The following HIPK2 variants were observed in gnomAD, a reference collection of about 807,000 sequenced individuals.
HIPK2 encodes the protein homeodomain interacting protein kinase 2, also known as homeodomain-interacting protein kinase 2.
HIPK2 carries 27 observed loss-of-function variants against 113.7 expected under a neutral mutation model. The ratio of observed to expected loss-of-function variants is 0.24; its 90% CI spans 0.17 to 0.33. The LOEUF is 0.33. Ranked by LOEUF, HIPK2 falls within the 10% of genes least tolerant of loss-of-function variation. The pLI is 1.00. For synonymous variants in HIPK2, 631 were observed against 642.2 expected (o/e 0.98, Z 0.26); for missense variants, 1,257 against 1,588.0 (o/e 0.79, Z 3.54).
chr7:139,586,383 T>C (rs540255470), intron 12 of HIPK2, among the ~76,000 whole-genome samples: 1 of 152,224 alleles, frequency 6.6e-6, no homozygotes, highest in African/African-American at 2.4e-5. Flanking sequence ...CTATTCAAAA[T>C]ACCAAGAGGT....
intron 2 of HIPK2, among the ~76,000 whole-genome samples, chr7:139,643,425 C>T (rs1441060897): frequency 1.6e-4 from 25 of 152,070 alleles, no homozygotes; most frequent in Non-Finnish European, 1.5e-5. Context: ...CACACTGATC[C>T]TTCGTTCTTA....
intron 2 of HIPK2, among the ~76,000 whole-genome samples, chr7:139,654,086 T>C (rs529040863): frequency 1.4e-4 from 21 of 152,318 alleles, no homozygotes; most frequent in African/African-American, 4.6e-4. Context: ...CCCAGCTTAT[T>C]GAATGATAAA....
At chr7:139,752,373 A>C (rs748552575) in intron 1 of HIPK2, among the ~76,000 whole-genome samples, 27 of 152,074 alleles carry the variant, frequency 1.8e-4, no homozygotes, top group Admixed American at 1.6e-3. Flanking sequence ...ATAAAATACT[A>C]TTCTTTTCCA....
At chr7:139,649,193 A>G (rs1462908792) in intron 2 of HIPK2, among the ~76,000 whole-genome samples, 1 of 151,926 alleles carries the variant, frequency 6.6e-6, no homozygotes, top group Non-Finnish European at 1.5e-5. Flanking sequence ...GCGGCCTATG[A>G]ATTATGCATT....
chr7:139,593,068 G>A (rs1031276954), intron 12 of HIPK2, among the ~76,000 whole-genome samples: 3 of 152,252 alleles, frequency 2.0e-5, no homozygotes, highest in Admixed American at 1.3e-4. Flanking sequence ...CCTGCACACA[G>A]TGGCATAGTG....
rs1001045928 is a variant in HIPK2, at chr7:139,565,466, T to C, written c.*7461A>G. On this transcript the variant is annotated 3_prime_UTR_variant, in exon 15 of 15. Coordinates refer to ENST00000406875, the MANE Select transcript of HIPK2 (RefSeq NM_022740.5). ...TCATAATAAATGATAATAGTTATTT[T>C]AAAAAATTAAAAATCTAGTCCTAAG... 6.6e-6 allele frequency: 1 copy of C among 152,128 alleles called. No homozygotes were observed. Among genetic ancestry groups the C allele is most frequent in the African/African-American group, 2.4e-5 (1 of 41,438 alleles). The allele number at this position is 152,128 out of a possible 1,614,324, so 9.4% of individuals were successfully genotyped here. A position where few individuals can be genotyped will look rare whatever the true frequency, so the allele number is the denominator to read the frequency against.
At position 139,626,737 on chromosome 7, in the gene HIPK2, C is replaced by T. The variant is rs2116872457; in HGVS notation, c.1483G>A (p.Ala495Thr). 1 of 1,613,998 alleles carries T rather than the reference C, an allele frequency of 6.2e-7. No homozygotes were observed. The highest frequency in any genetic ancestry group is 1.3e-5 in the African/African-American group (1 of 75,046). The change falls in exon 6 of 15, where the codon GCT becomes ACT. Residue 495 changes from alanine to threonine, a missense_variant. Physicochemically the swap from Ala to Thr is moderately conservative, Grantham distance 58. Around this residue, in one of 5 missense-constraint regions of HIPK2, gnomAD observed 862 missense variants for 1,004.3 expected, o/e 0.86. Coordinates refer to ENST00000406875, the MANE Select transcript of HIPK2 (RefSeq NM_022740.5). Reference sequence around the variant, plus strand: ...AGGTCAATGAACTCCCGCCGGTCAGCCTTTTCTACCAACATGTCGCTCCCT... The same window carrying T: ...AGGTCAATGAACTCCCGCCGGTCAGTCTTTTCTACCAACATGTCGCTCCCT... ...LEGSDMLVEK[A>T]DRREFIDLLK...
intron 7 of HIPK2, among the ~76,000 whole-genome samples, chr7:139,618,102 C>T (rs1800118972): frequency 2.6e-5 from 4 of 152,222 alleles, no homozygotes; most frequent in Admixed American, 2.6e-4. Flanking sequence ...GAGCAAGGGC[C>T]TTGGGTAAGA....
intron 12 of HIPK2, among the ~76,000 whole-genome samples, chr7:139,586,964 T>C (rs1172186537): frequency 6.6e-6 from 1 of 152,090 alleles, no homozygotes; most frequent in Non-Finnish European, 1.5e-5. Flanking sequence ...AAGTTACTGA[T>C]TAATGGTATA....
chr7:139,777,221 G>A (rs1796783053), intron 1 of HIPK2: 1 of 151,504 alleles, frequency 6.6e-6, no homozygotes, highest in Non-Finnish European at 1.5e-5. Flanking sequence ...AGAGCGAAGT[G>A]GAAAGGAGGT....
rs767272668 is a variant in HIPK2, at chr7:139,588,513, T to TA, written c.2718-4450dup. ...TCGGGGTGACACAGCCAGACTGTCT[T>TA]AAAAAAAAAAAAAAAAGATTGCTGT... is the stretch of plus-strand genomic sequence containing the variant. On this transcript the variant is annotated intron_variant, in intron 12 of 14. Transcript: ENST00000406875. Among the ~76,000 whole-genome samples, 488 of 124,948 alleles carry TA rather than the reference T, an allele frequency of 3.9e-3. 4 individuals are homozygous for TA. Among genetic ancestry groups the TA allele is most frequent in the African/African-American group, 9.2e-3 (308 of 33,362 alleles). 82.0% of individuals were successfully genotyped at this position (124,948 alleles called of 152,430 possible).
intron 2 of HIPK2, among the ~76,000 whole-genome samples, chr7:139,696,789 T>C (rs1794580573): frequency 6.6e-6 from 1 of 152,092 alleles, no homozygotes; most frequent in Non-Finnish European, 1.5e-5. Context: ...CTTCCTGGCG[T>C]CAACACTCAG....
At chr7:139,752,727 A>G (rs973294488) in intron 1 of HIPK2, among the ~76,000 whole-genome samples, 1 of 119,306 alleles carries the variant, frequency 8.4e-6, no homozygotes. Context: ...CACAGCTGAA[A>G]AAAAAAAAAA....
intron 12 of HIPK2, 99 bp from the exon 13 acceptor site, chr7:139,584,163 G>A (rs1243332661): frequency 2.7e-6 from 4 of 1,470,984 alleles, no homozygotes; most frequent in African/African-American, 2.8e-5. Flanking sequence ...GAGGCAGAGG[G>A]GAGAGGGCAG....
At chr7:139,656,996 G>A (rs953452170) in intron 2 of HIPK2, among the ~76,000 whole-genome samples, 9 of 151,938 alleles carry the variant, frequency 5.9e-5, no homozygotes, top group Admixed American at 1.3e-4. Context: ...TCAGCCTCTC[G>A]AGTAGCTGGG....
At chr7:139,751,590 A>AGATGGATGGATG (rs36202472) in intron 1 of HIPK2, among the ~76,000 whole-genome samples, 4 of 146,086 alleles carry the variant, frequency 2.7e-5, no homozygotes, top group South Asian at 2.2e-4. Context: ...TTGGATGGAT[A>AGATGGATGGATG]GATGGATGGA....
At position 139,613,063 on chromosome 7, in the gene HIPK2, G is replaced by C; in HGVS notation, c.2112+139C>G. ...AGGTAATTCACTTGGGGACCATTTA[G>C]AATATTACAGATACATTCCAATGAC... On this transcript the variant is annotated intron_variant, in intron 9 of 14. Transcript: ENST00000406875. The surrounding 1 kb of genome is among the most constrained non-coding windows in gnomAD (Gnocchi z 4.2). 3 of 1,024,414 alleles carry C rather than the reference G, an allele frequency of 2.9e-6. No homozygotes were observed. The East Asian group carries it at 8.3e-5, about 28-fold the overall frequency. 63.5% of individuals were successfully genotyped at this position (1,024,414 alleles called of 1,614,324 possible). A position where few individuals can be genotyped will look rare whatever the true frequency, so the allele number is the denominator to read the frequency against.
intron 1 of HIPK2, among the ~76,000 whole-genome samples, chr7:139,741,733 C>T (rs1297108354): frequency 6.6e-6 from 1 of 150,794 alleles, no homozygotes; most frequent in Non-Finnish European, 1.5e-5. Flanking sequence ...GTCTCCTGTG[C>T]ATTCATTTTC....
intron 2 of HIPK2, among the ~76,000 whole-genome samples, chr7:139,669,387 G>A (rs148701636): frequency 1.2e-4 from 19 of 152,282 alleles, no homozygotes; most frequent in East Asian, 3.9e-4. Context: ...TAAAGGCAGC[G>A]GTGACAGTAA....
Sources: allele counts gnomAD v4.1 joint callset (sites outside exome capture counted in the v4.1 genomes callset), GRCh38; gene constraint gnomAD v4.1.1; regional missense constraint gnomAD v4.1.1; non-coding constraint Gnocchi (gnomAD v3.1); transcripts MANE v1.5; gene names NCBI Gene and HGNC (gene_info 2026-07-23, HGNC 2026-07-21).